DNM3: variants seen among roughly 807,000 people sequenced by gnomAD.
DNM3 encodes the protein dynamin-3.
Under a neutral mutation model 101.6 loss-of-function variants are expected in DNM3, and 47 were observed. The ratio of observed to expected loss-of-function variants is 0.46; its 90% confidence interval spans 0.37 to 0.59. The LOEUF is 0.59. DNM3 is among the 20% of genes least tolerant of loss of function. DNM3 has a pLI of 0.00. For synonymous variants in DNM3, 385 were observed against 387.9 expected (o/e 0.99, Z 0.09); for missense variants, 849 against 1,085.7 (o/e 0.78, Z 3.06).
intron 10 of DNM3, among the ~76,000 whole-genome samples, chr1:172,067,331 A>AT (rs1175777772): frequency 1.3e-5 from 2 of 152,174 alleles, no homozygotes; most frequent in Non-Finnish European, 2.9e-5. Context: ...TAAGTCATGA[A>AT]TGTGCCCACT....
chr1:172,268,281 A>G (rs1194013242), intron 15 of DNM3, among the ~76,000 whole-genome samples: 1 of 152,118 alleles, frequency 6.6e-6, no homozygotes, highest in African/African-American at 2.4e-5. Context: ...CAGTAAAAAA[A>G]AAAAAAAAAA....
rs555053323 is a variant in DNM3, at chr1:172,032,561, A to G, written c.688+61A>G. 2.9e-3 allele frequency: 2,678 copies of G among 937,508 alleles called. 13 individuals carry two copies. Among genetic ancestry groups the G allele is most frequent in the Non-Finnish European group, 2.9e-3 (1,966 of 681,708 alleles). The allele number at this position is 937,508 out of a possible 1,614,324, so 58.1% of individuals were successfully genotyped here. A position where few individuals can be genotyped will look rare whatever the true frequency, so the allele number is the denominator to read the frequency against. ...TTTTTTTTTTTTTTTTTTTTGTTATATGGAAGAGAAATGATTGGGAAGCCA... is the reference window on the plus strand; with the variant it reads ...TTTTTTTTTTTTTTTTTTTTGTTATGTGGAAGAGAAATGATTGGGAAGCCA... On this transcript the variant is annotated intron_variant, in intron 5 of 20. Transcript: ENST00000627582.
At chr1:172,258,412 C>G (rs1262116441) in intron 15 of DNM3, among the ~76,000 whole-genome samples, 2 of 152,014 alleles carry the variant, frequency 1.3e-5, no homozygotes, top group Non-Finnish European at 2.9e-5. Context: ...TTCTCCACAT[C>G]CTCACCGCCA....
intron 14 of DNM3, among the ~76,000 whole-genome samples, chr1:172,171,620 A>G (rs555798): frequency 0.49 from 73,806 of 151,560 alleles, 19,562 homozygotes; most frequent in African/African-American, 0.7. Flanking sequence ...TGCTGTGCAG[A>G]AAGACCTCAG....
chr1:172,230,650 T>G (rs966804004), intron 14 of DNM3, among the ~76,000 whole-genome samples: 3 of 152,200 alleles, frequency 2.0e-5, no homozygotes, highest in African/African-American at 7.2e-5. Flanking sequence ...GCTTGAATGT[T>G]AAATGTTTCA....
At chr1:171,887,818 C>T (rs1257024360) in intron 1 of DNM3, among the ~76,000 whole-genome samples, 2 of 151,890 alleles carry the variant, frequency 1.3e-5, no homozygotes, top group Non-Finnish European at 2.9e-5. Context: ...TTATTGTAAT[C>T]AAGTTGGTAA....
At chr1:172,307,614 G>A (rs1359416619) in intron 15 of DNM3, among the ~76,000 whole-genome samples, 1 of 152,156 alleles carries the variant, frequency 6.6e-6, no homozygotes, top group African/African-American at 2.4e-5. Flanking sequence ...GCAAAGACTT[G>A]GAACTGACCC....
At chr1:172,133,560 A>G (rs73039369) in intron 14 of DNM3, among the ~76,000 whole-genome samples, 1,763 of 152,246 alleles carry the variant, frequency 0.012, 42 homozygotes, top group African/African-American at 0.04. Flanking sequence ...CATTTTAAAA[A>G]AGAGGAAATG....
At chr1:172,136,637 C>T (rs1004852569) in intron 14 of DNM3, 1 of 151,936 alleles carries the variant, frequency 6.6e-6, no homozygotes, top group African/African-American at 2.4e-5. Context: ...ATTATTCATA[C>T]AAATATTTCC....
At chr1:172,074,811 A>T (rs2052509231) in intron 11 of DNM3, among the ~76,000 whole-genome samples, 1 of 152,226 alleles carries the variant, frequency 6.6e-6, no homozygotes, top group African/African-American at 2.4e-5. Flanking sequence ...AATGATTTAT[A>T]ATCCTTTGGG....
chr1:172,328,049 A>T (rs902335466), intron 17 of DNM3, among the ~76,000 whole-genome samples: 1 of 152,202 alleles, frequency 6.6e-6, no homozygotes, highest in Non-Finnish European at 1.5e-5. Context: ...TCCCAAATTT[A>T]TTGATCATGC....
intron 15 of DNM3, among the ~76,000 whole-genome samples, chr1:172,279,116 T>G (rs535393626): frequency 1.3e-5 from 2 of 152,304 alleles, no homozygotes; most frequent in African/African-American, 4.8e-5. Flanking sequence ...GAGCAATTAT[T>G]TTGTGAGAAA....
chr1:172,137,644 G>A (rs184218648), intron 14 of DNM3: 136 of 152,240 alleles, frequency 8.9e-4, no homozygotes, highest in African/African-American at 2.6e-3. Context: ...GTGTTTAATT[G>A]TTAAATGTGA....
intron 14 of DNM3, among the ~76,000 whole-genome samples, chr1:172,146,105 G>A (rs923423721): frequency 6.6e-6 from 1 of 152,282 alleles, no homozygotes; most frequent in Admixed American, 6.5e-5. Flanking sequence ...TGACCAACCA[G>A]ACTAAGAAAC....
intron 2 of DNM3, among the ~76,000 whole-genome samples, chr1:171,959,109 A>G (rs959975203): frequency 3.3e-5 from 5 of 152,300 alleles, no homozygotes; most frequent in Admixed American, 6.5e-5. Flanking sequence ...AGGAGATAAT[A>G]AAATAAAATT....
In DNM3 at chr1:172,388,228, C is replaced by T. The variant is rs781025526; in HGVS notation, c.2286-345C>T. On this transcript the variant is annotated intron_variant, in intron 19 of 20. Transcript: ENST00000627582. ...CAGCCTGGGTGACAGAGCGAGACTC[C>T]GCCTCAAAGAAAAAAAAAAGGAGGT... Among the ~76,000 whole-genome samples the T allele has an allele frequency of 1.1e-4, 16 of 150,810 alleles. No individual in the cohort carries two copies. The East Asian group carries it at 1.6e-3, about 15-fold the overall frequency.
In DNM3 at chr1:172,040,082, G is replaced by T. The variant is rs114275807; in HGVS notation, c.992+1621G>T. On this transcript the variant is annotated intron_variant, in intron 7 of 20. Transcript: ENST00000627582. ...GGACCTTGTCATGTGGAAGGAGGAG[G>T]GCAAGAGAATCATGAGAACTTTGGT... Among the ~76,000 whole-genome samples the T allele has an allele frequency of 3.2e-3, 481 of 152,110 alleles. 3 individuals are homozygous for T. The highest frequency in any genetic ancestry group is 0.011 in the African/African-American group (454 of 41,512).
chr1:172,371,842 AT>A (rs1193400871), intron 17 of DNM3, among the ~76,000 whole-genome samples: 3 of 145,956 alleles, frequency 2.1e-5, no homozygotes, highest in Non-Finnish European at 4.6e-5. Context: ...TTTTATTTTT[AT>A]TTTTATTTTT....
rs113610994 is a variant in DNM3, at chr1:171,857,361, A to T, written c.161+15544A>T. On this transcript the variant is annotated intron_variant, in intron 1 of 20. Transcript: ENST00000627582. ...TTCAGAGACAGAGGCTGTGATTACA[A>T]ATGGTGAGTGACAGAAAGGCAGAGA... is the stretch of plus-strand genomic sequence containing the variant. Among the ~76,000 whole-genome samples the T allele has an allele frequency of 7.7e-3, 1,178 of 152,274 alleles. 13 individuals are homozygous for T. The highest frequency in any genetic ancestry group is 0.027 in the African/African-American group (1,111 of 41,556).
Sources: gnomAD v4.1 joint callset for allele counts (sites outside exome capture counted in the v4.1 genomes callset) on GRCh38, gnomAD v4.1.1 for gene constraint, MANE v1.5 for transcripts, NCBI Gene and HGNC (gene_info 2026-07-23, HGNC 2026-07-21) for gene names.